The following WNK1 variants were observed in gnomAD, a reference collection of about 807,000 sequenced individuals.
The protein encoded by WNK1 is serine/threonine-protein kinase WNK1.
A neutral mutation model predicts 222.8 loss-of-function variants in WNK1; 38 were observed. The observed-to-expected ratio is 0.17, with a 90% CI of 0.13 to 0.22. The LOEUF (loss-of-function observed/expected upper bound fraction) is 0.22, where lower values mean the gene tolerates loss of function less well. Ranked by LOEUF, WNK1 falls within the 10% of genes least tolerant of loss-of-function variation. The probability of loss-of-function intolerance (pLI) is 1.00; values close to 1 mark genes in which losing one functional copy is unlikely to be tolerated. For missense variants in WNK1, 2,348 were observed against 2,918.4 expected, an observed-to-expected ratio of 0.80 and a Z score of 4.50; for synonymous variants, 1,090 against 1,092.9, an observed-to-expected ratio of 1.00 and a Z score of 0.05.
intron 3 of WNK1, 113 bp from the exon 4 acceptor site, chr12:829,890 C>T: frequency 2.7e-6 from 3 of 1,111,080 alleles, no homozygotes; most frequent in Admixed American, 1.8e-5. Context: ...TTCCTTTTTT[C>T]TCCCCATTCC....
rs72649888 is a variant in WNK1 at position 878,889 on chromosome 12, G to A, written c.2373+528G>A. 1.6e-3 allele frequency among the ~76,000 whole-genome samples: 250 copies of A among 151,802 alleles called. 3 individuals carry two copies. The highest frequency in any genetic ancestry group is 6.0e-3 in the African/African-American group (247 of 41,390). ...CAACTTTATTTTTGAGTACTGTTGTGCATGTATGTGCACAGTGTATTGTTA... is the reference window on the plus strand; with the variant it reads ...CAACTTTATTTTTGAGTACTGTTGTACATGTATGTGCACAGTGTATTGTTA... On this transcript the variant is annotated intron_variant, in intron 10 of 27. Transcript: ENST00000315939.
chr12:900,802 C>A (rs1257649196), intron 26 of WNK1, 132 bp downstream of exon 26: 3 of 1,129,140 alleles, frequency 2.7e-6, no homozygotes, highest in Non-Finnish European at 4.0e-6. Flanking sequence ...ACTGAAGAAT[C>A]TGGGTGAAAA....
rs1237948163 is a variant in WNK1 at position 885,138 on chromosome 12, C to G, written c.4334C>G (p.Thr1445Arg). 6.2e-7 allele frequency: 1 copy of G among 1,614,098 alleles called. No homozygotes were observed. Among genetic ancestry groups the G allele is most frequent in the Non-Finnish European group, 8.5e-7 (1 of 1,180,044 alleles). The change falls in exon 19 of 28, where the codon ACA (threonine) becomes AGA (arginine). Residue 1445 changes from threonine to arginine, a missense_variant. Around this residue, in one of 13 missense-constraint regions of WNK1, gnomAD observed 1,144 missense variants for 1,273.6 expected, o/e 0.90. Transcript: ENST00000315939. Reference protein sequence around the residue: ...TSTSEIVVSSTALYPSVTVSA... With the variant: ...TSTSEIVVSSRALYPSVTVSA... ...ACATCTGAGATCGTTGTTTCTAGTA[C>G]AGCACTGTATCCTTCAGTAACAGTT...
At chr12:806,205 A>G (rs1314992994) in intron 1 of WNK1, among the ~76,000 whole-genome samples, 1 of 152,228 alleles carries the variant, frequency 6.6e-6, no homozygotes. Context: ...TTTTACAGGC[A>G]AGGAAACTAA....
At chr12:770,446 A>C (rs1942338918) in intron 1 of WNK1, among the ~76,000 whole-genome samples, 1 of 152,184 alleles carries the variant, frequency 6.6e-6, no homozygotes, top group African/African-American at 2.4e-5. Flanking sequence ...TGATGTTTAG[A>C]TATATTTGTT....
At chr12:906,388 G>T (rs1955701298) in intron 26 of WNK1, 2 of 985,152 alleles carry the variant, frequency 2.0e-6, no homozygotes, top group South Asian at 9.4e-5. Flanking sequence ...CAGAAATAGA[G>T]TTCCTTCATC....
At chr12:840,807 A>G (rs1330196626) in intron 4 of WNK1, among the ~76,000 whole-genome samples, 2 of 152,226 alleles carry the variant, frequency 1.3e-5, no homozygotes, top group African/African-American at 2.4e-5. Flanking sequence ...TAGCCTCTGT[A>G]TTTGTAAAGA....
At chr12:767,518 TG>T (rs1048919701) in intron 1 of WNK1, among the ~76,000 whole-genome samples, 1 of 152,110 alleles carries the variant, frequency 6.6e-6, no homozygotes, top group Non-Finnish European at 1.5e-5. Flanking sequence ...CCCAAAGTGC[TG>T]GGATAACAGG....
rs1329642511 is a variant in WNK1, at chr12:865,283, A to G, written c.2139+3013A>G. ...CTTTTGCCGAAAAGCTTTCTAAAGC[A>G]TTGGAGAGTGTCCTGCCTATGCACT... On this transcript the variant is annotated intron_variant, in intron 8 of 27. Transcript: ENST00000315939. The G allele has an allele frequency of 3.3e-6, 5 of 1,536,128 alleles. No homozygotes were observed. The Admixed American group carries it at 7.8e-5, about 24-fold the overall frequency.
intron 2 of WNK1, among the ~76,000 whole-genome samples, chr12:816,593 G>A (rs1432434630): frequency 6.6e-6 from 1 of 151,900 alleles, no homozygotes; most frequent in Non-Finnish European, 1.5e-5. Flanking sequence ...CAGCCTGTTT[G>A]GTATTCTTCC....
rs1158109478 is a variant in WNK1, at chr12:754,202, G to A, written c.637G>A (p.Gly213Arg). 1 of 1,613,798 alleles carries A rather than the reference G, an allele frequency of 6.2e-7. No homozygotes were observed. Among genetic ancestry groups the A allele is most frequent in the Non-Finnish European group, 8.5e-7 (1 of 1,180,040 alleles). Residue 213 changes from glycine to arginine, a missense_variant, in exon 1 of 28, where the codon GGA becomes AGA. Physicochemically the swap from Gly to Arg is moderately radical, Grantham distance 125 (BLOSUM62 -2). Coordinates refer to ENST00000315939, the MANE Select transcript of WNK1 (RefSeq NM_018979.4). The part of the protein sequence containing the change: ...DIEELETKAV[G>R]MSNDGRFLKF... Reference sequence around the variant, plus strand: ...CGAAGAGCTGGAGACCAAGGCCGTGGGAATGTCTAACGATGGCCGCTTTCT... The same window carrying A: ...CGAAGAGCTGGAGACCAAGGCCGTGAGAATGTCTAACGATGGCCGCTTTCT...
At position 827,520 on chromosome 12, in the gene WNK1, TTTGTTG is replaced by T. The variant is rs67260587; in HGVS notation, c.1153+280_1153+285del. On this transcript the variant is annotated intron_variant, in intron 3 of 27. Coordinates refer to ENST00000315939, the MANE Select transcript of WNK1 (RefSeq NM_018979.4). This position sits in a 1 kb window ranked among gnomAD's most constrained non-coding sequence, Gnocchi z 4.6. Reference sequence around the variant, plus strand: ...GATAAAACCTAATGTAATAGCCTTTTTTGTTGTTGTTGTTGTTGTTGTTGTTGAGAT... The same window carrying T: ...GATAAAACCTAATGTAATAGCCTTTTTTGTTGTTGTTGTTGTTGTTGAGAT... The T allele has an allele frequency of 1.4e-3, 649 of 464,880 alleles. No individual in the cohort carries two copies. Among genetic ancestry groups the T allele is most frequent in the Middle Eastern group, 3.5e-3 (6 of 1,708 alleles). The allele number at this position is 464,880 out of a possible 1,614,324, so 28.8% of individuals were successfully genotyped here.
chr12:795,746 C>T (rs1945258558), intron 1 of WNK1, among the ~76,000 whole-genome samples: 1 of 152,168 alleles, frequency 6.6e-6, no homozygotes, highest in South Asian at 2.1e-4. Context: ...TCTTGCTATA[C>T]AGTTTCTTGA....
chr12:863,517 T>A (rs11064576), intron 8 of WNK1, among the ~76,000 whole-genome samples: 31,731 of 151,744 alleles, frequency 0.21, 3,525 homozygotes, highest in African/African-American at 0.27. Context: ...CCTTTAATTG[T>A]TTTTTTTCTG....
chr12:803,651 C>A (rs954951816), intron 1 of WNK1, among the ~76,000 whole-genome samples: 1 of 152,096 alleles, frequency 6.6e-6, no homozygotes, highest in Non-Finnish European at 1.5e-5. Context: ...GCAGGAGAAT[C>A]GCTTGAACCC....
At chr12:785,910 A>G (rs934563504) in intron 1 of WNK1, among the ~76,000 whole-genome samples, 1 of 152,174 alleles carries the variant, frequency 6.6e-6, no homozygotes, top group Non-Finnish European at 1.5e-5. Flanking sequence ...CCCCAGTATA[A>G]TCTGACTGTA....
At chr12:787,556 C>T (rs1052637281) in intron 1 of WNK1, among the ~76,000 whole-genome samples, 7 of 152,162 alleles carry the variant, frequency 4.6e-5, no homozygotes, top group Non-Finnish European at 1.0e-4. Context: ...ACATTATTAG[C>T]GTAGTTCTTG....
At chr12:900,755 G>A in intron 26 of WNK1, 85 bp downstream of exon 26, 1 of 1,510,722 alleles carries the variant, frequency 6.6e-7, no homozygotes, top group South Asian at 1.1e-5. Flanking sequence ...GGCGGGTTGG[G>A]AGACTAGCTG....
At chr12:779,304 G>A (rs992676737) in intron 1 of WNK1, among the ~76,000 whole-genome samples, 1 of 151,320 alleles carries the variant, frequency 6.6e-6, no homozygotes, top group Non-Finnish European at 1.5e-5. Flanking sequence ...ATATGGTTAT[G>A]TTGCTGTGAC....
Sources: gnomAD v4.1 joint callset for allele counts (sites outside exome capture counted in the v4.1 genomes callset) on GRCh38, gnomAD v4.1.1 for gene constraint, gnomAD v4.1.1 regional missense constraint, Gnocchi (gnomAD v3.1) non-coding constraint, MANE v1.5 for transcripts, NCBI Gene and HGNC (gene_info 2026-07-23, HGNC 2026-07-21) for gene names.